UTS2B: variants seen among roughly 807,000 people sequenced by gnomAD.
UTS2B encodes urotensin 2B, also known as urotensin-2B.
UTS2B carries 21 observed loss-of-function variants against 19.2 expected under a neutral mutation model. The observed-to-expected ratio is 1.09, with a 90% CI of 0.78 to 1.58. The LOEUF is 1.58. Ranked by LOEUF, UTS2B falls within the 40% of genes most tolerant of loss-of-function variation. UTS2B has a pLI of 0.00. For missense variants in UTS2B, 138 were observed against 130.3 expected, an observed-to-expected ratio of 1.06 and a Z score of -0.29; for synonymous variants, 57 against 50.2, an observed-to-expected ratio of 1.14 and a Z score of -0.58.
At chr3:191,332,271 A>G (rs182896554), upstream of UTS2B, among the ~76,000 whole-genome samples, 154 of 152,338 alleles carry the variant, frequency 1.0e-3, no homozygotes, top group Non-Finnish European at 1.6e-3. Flanking sequence ...AAAAATATTC[A>G]TCATTTGGAC....
intron 4 of UTS2B, among the ~76,000 whole-genome samples, chr3:191,284,577 C>T (rs1419996674): frequency 6.6e-6 from 1 of 150,860 alleles, no homozygotes; most frequent in Non-Finnish European, 1.5e-5. Flanking sequence ...TCACCTCAGC[C>T]TCCCAAAGAG....
chr3:191,318,704 C>T (rs1432429207), intron 2 of UTS2B, among the ~76,000 whole-genome samples: 2 of 152,182 alleles, frequency 1.3e-5, no homozygotes, highest in Non-Finnish European at 2.9e-5. Flanking sequence ...CTCCTGAGTT[C>T]GAGCAATCCA....
rs1576909253 is a variant in UTS2B, at chr3:191,267,344, C to G, written c.*1072G>C. ...AAAGTGCAACTGATTAGTGATTATT[C>G]ACAACATAAACCTTAAGCTTATCAT... is the stretch of plus-strand genomic sequence containing the variant. On this transcript the variant is annotated 3_prime_UTR_variant, in exon 9 of 9. Transcript: ENST00000340524. 1 of 152,186 alleles carries G rather than the reference C, an allele frequency of 6.6e-6. No individual in the cohort carries two copies. Among genetic ancestry groups the G allele is most frequent in the Non-Finnish European group, 1.5e-5 (1 of 68,040 alleles). 9.4% of individuals were successfully genotyped at this position (152,186 alleles called of 1,614,324 possible).
chr3:191,287,964 G>A (rs748291487), intron 4 of UTS2B, among the ~76,000 whole-genome samples: 56 of 152,004 alleles, frequency 3.7e-4, no homozygotes, highest in Non-Finnish European at 6.8e-4. Flanking sequence ...CAAAATCTAT[G>A]TTCAAAAATC....
intron 3 of UTS2B, among the ~76,000 whole-genome samples, chr3:191,314,040 G>T (rs564430427): frequency 6.6e-6 from 1 of 152,142 alleles, no homozygotes; most frequent in South Asian, 2.1e-4. Context: ...CCCTCCACTT[G>T]TTTTCTGAGG....
intron 6 of UTS2B, among the ~76,000 whole-genome samples, chr3:191,277,331 TA>T (rs1716264506): frequency 6.6e-6 from 1 of 152,126 alleles, no homozygotes; most frequent in Admixed American, 6.5e-5. Context: ...AAGAATATAT[TA>T]CTTTTAGTTT....
At chr3:191,286,933 T>C (rs1716561091) in intron 4 of UTS2B, among the ~76,000 whole-genome samples, 1 of 150,564 alleles carries the variant, frequency 6.6e-6, no homozygotes, top group Non-Finnish European at 1.5e-5. Context: ...AAAAAAAAAA[T>C]TGATACCACA....
intron 2 of UTS2B, among the ~76,000 whole-genome samples, chr3:191,327,470 C>T (rs908345584): frequency 2.0e-5 from 3 of 152,226 alleles, no homozygotes; most frequent in African/African-American, 7.2e-5. Context: ...GAAGCCATCA[C>T]ACTCTAGGCC....
intron 3 of UTS2B, among the ~76,000 whole-genome samples, chr3:191,308,445 T>G (rs1012124247): frequency 1.3e-5 from 2 of 152,240 alleles, no homozygotes; most frequent in Non-Finnish European, 2.9e-5. Context: ...GGGGTTCACA[T>G]GCACTATATC....
the UTS2B span, among the ~76,000 whole-genome samples, chr3:191,343,165 T>G: frequency 0.18 from 27,417 of 152,194 alleles, 2,798 homozygotes; most frequent in East Asian, 0.45. Context: ...TATTTTGGTA[T>G]CTGTGGGGGT....
intron 1 of UTS2B, chr3:191,329,665 C>G (rs758593166): frequency 1.2e-6 from 2 of 1,607,868 alleles, no homozygotes; most frequent in Non-Finnish European, 1.7e-6. Flanking sequence ...AACCGGGACC[C>G]TGGCCCGGTA....
At chr3:191,291,359 T>C (rs562677343) in intron 4 of UTS2B, among the ~76,000 whole-genome samples, 1 of 152,192 alleles carries the variant, frequency 6.6e-6, no homozygotes, top group Non-Finnish European at 1.5e-5. Flanking sequence ...TTGAGTACTA[T>C]AAGAAACTAT....
At chr3:191,268,524 G>GTTTTTA in intron 8 of UTS2B, 83 bp from the exon 9 acceptor site, 1 of 939,596 alleles carries the variant, frequency 1.1e-6, no homozygotes, top group Non-Finnish European at 1.6e-6. Flanking sequence ...ATGTGTGCCT[G>GTTTTTA]AATGCGAGAG....
intron 8 of UTS2B, among the ~76,000 whole-genome samples, chr3:191,274,177 G>A (rs947064190): frequency 3.3e-5 from 5 of 151,612 alleles, no homozygotes; most frequent in Non-Finnish European, 5.9e-5. Context: ...CACCCTTACT[G>A]GCTAAGTCAC....
intron 3 of UTS2B, among the ~76,000 whole-genome samples, chr3:191,314,149 T>A (rs968855885): frequency 6.6e-6 from 1 of 152,164 alleles, no homozygotes; most frequent in Non-Finnish European, 1.5e-5. Context: ...TTTCAAGAAC[T>A]CTCTCTGGGG....
intron 8 of UTS2B, among the ~76,000 whole-genome samples, chr3:191,270,102 G>A (rs4515105): frequency 0.52 from 79,391 of 152,050 alleles, 21,479 homozygotes; most frequent in Non-Finnish European, 0.59. Flanking sequence ...CACAGTAAGC[G>A]TAAGTTTTTA....
At chr3:191,273,431 CA>C (rs1259116896) in intron 8 of UTS2B, 1 of 455,536 alleles carries the variant, frequency 2.2e-6, no homozygotes, top group Non-Finnish European at 4.4e-6. Flanking sequence ...TAATCCCGGC[CA>C]ATGGACTTCA....
At chr3:191,289,986 C>T (rs1716668628) in intron 4 of UTS2B, among the ~76,000 whole-genome samples, 1 of 152,142 alleles carries the variant, frequency 6.6e-6, no homozygotes, top group African/African-American at 2.4e-5. Context: ...GAATCATATG[C>T]TAATTTCTTC....
At chr3:191,296,247 C>T (rs147931735) in intron 4 of UTS2B, among the ~76,000 whole-genome samples, 12 of 149,222 alleles carry the variant, frequency 8.0e-5, no homozygotes, top group African/African-American at 2.7e-4. Context: ...ACTCCCCTTC[C>T]CCAACTTACA....
Sources: allele counts gnomAD v4.1 joint callset (sites outside exome capture counted in the v4.1 genomes callset), GRCh38; gene constraint gnomAD v4.1.1; transcripts MANE v1.5; gene names NCBI Gene and HGNC (gene_info 2026-07-23, HGNC 2026-07-21).